RSRC1: variants seen among roughly 807,000 people sequenced by gnomAD.
RSRC1 encodes serine/Arginine-related protein 53.
A neutral mutation model predicts 49.1 loss-of-function variants in RSRC1; 39 were observed. That is an observed-to-expected ratio of 0.79 (90% CI 0.61 to 1.04). The LOEUF (loss-of-function observed/expected upper bound fraction) is 1.04, where lower values mean the gene tolerates loss of function less well. Ranked by LOEUF, RSRC1 falls within the 50% of genes least tolerant of loss-of-function variation. The pLI, the probability that RSRC1 is intolerant of heterozygous loss-of-function variation, is 0.00. For missense variants in RSRC1, 388 were observed against 402.4 expected, an observed-to-expected ratio of 0.96 and a Z score of 0.31; for synonymous variants, 143 against 130.8, an observed-to-expected ratio of 1.09 and a Z score of -0.63.
intron 7 of RSRC1, among the ~76,000 whole-genome samples, chr3:158,480,327 C>CT (rs1398873945): frequency 6.6e-6 from 1 of 151,772 alleles, no homozygotes; most frequent in Non-Finnish European, 1.5e-5. Flanking sequence ...AGAAGCTCAA[C>CT]TAAGTGTATG....
chr3:158,149,500 A>T (rs1009337036), intron 3 of RSRC1, among the ~76,000 whole-genome samples: 7 of 152,178 alleles, frequency 4.6e-5, no homozygotes, highest in Admixed American at 4.6e-4. Context: ...CTTGTTGCAG[A>T]TGCGATGGTC....
chr3:158,142,762 C>T (rs1187593017), intron 3 of RSRC1, among the ~76,000 whole-genome samples: 2 of 118,278 alleles, frequency 1.7e-5, no homozygotes, highest in African/African-American at 6.0e-5. Flanking sequence ...ATGACCCATA[C>T]ACCTCCCACC....
intron 6 of RSRC1, among the ~76,000 whole-genome samples, chr3:158,458,021 G>C (rs1307175920): frequency 6.6e-6 from 1 of 152,158 alleles, no homozygotes; most frequent in Non-Finnish European, 1.5e-5. Context: ...GTGCAAATGG[G>C]TGGGTTTACT....
At chr3:158,182,797 T>C (rs1410136830) in intron 3 of RSRC1, among the ~76,000 whole-genome samples, 1 of 152,166 alleles carries the variant, frequency 6.6e-6, no homozygotes, top group Non-Finnish European at 1.5e-5. Context: ...CCAACTTTTA[T>C]TTCTCATGTG....
At chr3:158,396,507 A>T (rs1003266726) in intron 6 of RSRC1, among the ~76,000 whole-genome samples, 1 of 151,992 alleles carries the variant, frequency 6.6e-6, no homozygotes, top group African/African-American at 2.4e-5. Context: ...AAGGACATTC[A>T]TCTGAATAAA....
chr3:158,181,099 T>C (rs1719599358), intron 3 of RSRC1, among the ~76,000 whole-genome samples: 1 of 152,158 alleles, frequency 6.6e-6, no homozygotes, highest in African/African-American at 2.4e-5. Context: ...CCACCGCCCC[T>C]GGCCCTATGT....
chr3:158,213,118 A>G (rs1439320035), intron 4 of RSRC1, among the ~76,000 whole-genome samples: 11 of 151,958 alleles, frequency 7.2e-5, no homozygotes, highest in Admixed American at 7.2e-4. Context: ...AGAAACAGAT[A>G]TCTCTATGTT....
In RSRC1 at chr3:158,545,560, A is replaced by G. The variant is rs1004249054; in HGVS notation, c.*1285A>G. Reference sequence around the variant, plus strand: ...ATGCCATCTTCTTTATATTTCTGGGACATTAAAATTCAAATCTCTGTTGAA... The same window carrying G: ...ATGCCATCTTCTTTATATTTCTGGGGCATTAAAATTCAAATCTCTGTTGAA... On this transcript the variant is annotated 3_prime_UTR_variant, in exon 10 of 10. Coordinates refer to ENST00000611884, the MANE Select transcript of RSRC1 (RefSeq NM_001271838.2). 6.6e-6 allele frequency: 1 copy of G among 152,168 alleles called. No homozygotes were observed. 9.4% of individuals were successfully genotyped at this position (152,168 alleles called of 1,614,324 possible).
intron 4 of RSRC1, chr3:158,276,148 G>T (rs2682404): frequency 1.1e-6 from 1 of 899,460 alleles, no homozygotes; most frequent in African/African-American, 1.6e-5. Context: ...GCAAACTTTA[G>T]CTGGTTAACA....
At position 158,298,071 on chromosome 3, in the gene RSRC1, A is replaced by T. The variant is rs772268928; in HGVS notation, c.527A>T (p.His176Leu). The T allele has an allele frequency of 6.2e-7, 1 of 1,603,464 alleles. No homozygotes were observed. Among genetic ancestry groups the T allele is most frequent in the Non-Finnish European group, 8.5e-7 (1 of 1,171,148 alleles). ...GGAAACATCAAAGCTGGATTAGAAC[A>T]TCTGGTAAGTTCTCATTTTCTCTTG... ...ESGNIKAGLE[H>L]LPPAEQAKAR... Residue 176 changes from histidine (H) to leucine (L), a missense_variant, in exon 5 of 10, where the codon CAT becomes CTT. By Grantham distance (99) the His-to-Leu change is moderately conservative. Transcript: ENST00000611884.
intron 4 of RSRC1, among the ~76,000 whole-genome samples, chr3:158,208,749 G>A (rs1204685634): frequency 1.3e-5 from 2 of 152,132 alleles, no homozygotes; most frequent in African/African-American, 4.8e-5. Context: ...GAGTTGTTAA[G>A]TTGAAATTGG....
At chr3:158,125,123 T>G (rs1044652202) in intron 3 of RSRC1, among the ~76,000 whole-genome samples, 1 of 152,080 alleles carries the variant, frequency 6.6e-6, no homozygotes, top group African/African-American at 2.4e-5. Flanking sequence ...CCGGCCTCAT[T>G]TTTTCTTAAT....
intron 3 of RSRC1, among the ~76,000 whole-genome samples, chr3:158,126,874 T>TTTTTTG (rs139992270): frequency 3.1e-4 from 47 of 150,720 alleles, no homozygotes; most frequent in Non-Finnish European, 5.3e-4. Flanking sequence ...TGACAGGGTT[T>TTTTTTG]TTTTTGTTTT....
At chr3:158,454,513 AC>A (rs1737212329) in intron 6 of RSRC1, among the ~76,000 whole-genome samples, 1 of 152,136 alleles carries the variant, frequency 6.6e-6, no homozygotes, top group Non-Finnish European at 1.5e-5. Flanking sequence ...TTAGTCTTCA[AC>A]TGTATTCATT....
intron 4 of RSRC1, among the ~76,000 whole-genome samples, chr3:158,289,003 A>G (rs962423477): frequency 6.6e-6 from 1 of 152,044 alleles, no homozygotes; most frequent in South Asian, 2.1e-4. Flanking sequence ...GATGATGTTT[A>G]TGTTGTTATT....
At chr3:158,288,725 A>G (rs992567846) in intron 4 of RSRC1, among the ~76,000 whole-genome samples, 1 of 152,046 alleles carries the variant, frequency 6.6e-6, no homozygotes, top group Non-Finnish European at 1.5e-5. Context: ...ATTGCTTATA[A>G]TACCTATTAC....
chr3:158,185,586 T>C (rs756206324), intron 3 of RSRC1, among the ~76,000 whole-genome samples: 2 of 151,932 alleles, frequency 1.3e-5, no homozygotes, highest in East Asian at 1.9e-4. Flanking sequence ...TTTAAAGTAA[T>C]GATTTCAGTG....
At chr3:158,532,462 T>G (rs1219423651) in intron 7 of RSRC1, among the ~76,000 whole-genome samples, 1 of 151,944 alleles carries the variant, frequency 6.6e-6, no homozygotes, top group Non-Finnish European at 1.5e-5. Flanking sequence ...TGTATAACAT[T>G]TGGTATTTTA....
chr3:158,389,027 C>A (rs1413299124), intron 6 of RSRC1, among the ~76,000 whole-genome samples: 1 of 151,990 alleles, frequency 6.6e-6, no homozygotes, highest in East Asian at 1.9e-4. Context: ...GTTGAGCAAA[C>A]ACAAAAGTTT....
Sources: gnomAD v4.1 joint callset for allele counts (sites outside exome capture counted in the v4.1 genomes callset) on GRCh38, gnomAD v4.1.1 for gene constraint, MANE v1.5 for transcripts, NCBI Gene and HGNC (gene_info 2026-07-23, HGNC 2026-07-21) for gene names.